Variants in NDRG3 observed in about 807,000 individuals in gnomAD.
NDRG3 encodes protein NDRG3.
NDRG3 carries 23 observed loss-of-function variants against 57.2 expected under a neutral mutation model. That is an observed-to-expected ratio of 0.40 (90% CI 0.29 to 0.57). NDRG3 has a LOEUF of 0.57. Among genes scored for constraint, NDRG3 ranks in the 20% least tolerant of loss-of-function variants. The probability of loss-of-function intolerance (pLI) is 0.42; values close to 1 mark genes in which losing one functional copy is unlikely to be tolerated. For missense variants in NDRG3, 384 were observed against 457.3 expected, an observed-to-expected ratio of 0.84 and a Z score of 1.46; for synonymous variants, 132 against 162.6, an observed-to-expected ratio of 0.81 and a Z score of 1.43.
At chr20:36,656,563 G>A in intron 13 of NDRG3, 31 bp from the exon 14 acceptor site, 1 of 1,613,318 alleles carries the variant, frequency 6.2e-7, no homozygotes, top group Admixed American at 1.7e-5. Flanking sequence ...AAGTCAGCTG[G>A]GACTTACCCT....
intron 8 of NDRG3, among the ~76,000 whole-genome samples, chr20:36,679,498 A>G (rs1262236379): frequency 3.3e-5 from 5 of 151,356 alleles, no homozygotes; most frequent in Non-Finnish European, 7.4e-5. Flanking sequence ...CTCCTGTTAA[A>G]TTGCAATTTT....
chr20:36,716,064 C>T (rs1018847922), intron 2 of NDRG3, among the ~76,000 whole-genome samples: 1 of 152,136 alleles, frequency 6.6e-6, no homozygotes, highest in Admixed American at 6.5e-5. Context: ...CACTGGACTC[C>T]AGCCTGGGCA....
intron 2 of NDRG3, among the ~76,000 whole-genome samples, chr20:36,708,261 C>T (rs1407679795): frequency 6.6e-6 from 1 of 152,122 alleles, no homozygotes; most frequent in African/African-American, 2.4e-5. Context: ...TTCCTAACAG[C>T]TTCCCAAAAG....
At chr20:36,680,925 T>C (rs748797798) in intron 7 of NDRG3, 23 bp from the exon 8 acceptor site, 4 of 1,598,376 alleles carry the variant, frequency 2.5e-6, no homozygotes, top group East Asian at 2.2e-5. Context: ...GCAAAGACAA[T>C]AGTATGAAAG....
chr20:36,731,564 T>C (rs573600941), intron 1 of NDRG3, among the ~76,000 whole-genome samples: 79 of 152,130 alleles, frequency 5.2e-4, no homozygotes, highest in Admixed American at 1.3e-3. Context: ...TCCCAGCACT[T>C]TGGGAGGCCG....
chr20:36,680,450 A>G (rs1483989266), intron 8 of NDRG3, among the ~76,000 whole-genome samples: 1 of 149,770 alleles, frequency 6.7e-6, no homozygotes, highest in East Asian at 2.0e-4. Context: ...ATGCCACTGC[A>G]CTCCAGCCTG....
At chr20:36,738,354 G>C (rs891858123) in intron 1 of NDRG3, among the ~76,000 whole-genome samples, 1 of 151,390 alleles carries the variant, frequency 6.6e-6, no homozygotes, top group African/African-American at 2.4e-5. Context: ...AATTAGCCAG[G>C]CATGGTGGCA....
chr20:36,706,105 G>A (rs1983533992), intron 3 of NDRG3, among the ~76,000 whole-genome samples: 2 of 152,132 alleles, frequency 1.3e-5, no homozygotes, highest in African/African-American at 4.8e-5. Context: ...AGAACTGCTG[G>A]TTCATTTTAC....
intron 9 of NDRG3, among the ~76,000 whole-genome samples, chr20:36,669,263 C>G (rs1979919891): frequency 6.7e-6 from 1 of 148,622 alleles, no homozygotes; most frequent in Non-Finnish European, 1.5e-5. Flanking sequence ...GAGTCTTGCT[C>G]TGTCGCCCAG....
intron 3 of NDRG3, among the ~76,000 whole-genome samples, chr20:36,704,875 A>C (rs913488613): frequency 6.6e-6 from 1 of 152,198 alleles, no homozygotes; most frequent in African/African-American, 2.4e-5. Flanking sequence ...AAGGACAATT[A>C]ATTCCTTACA....
At chr20:36,675,725 T>C (rs917911704) in intron 8 of NDRG3, among the ~76,000 whole-genome samples, 1 of 151,898 alleles carries the variant, frequency 6.6e-6, no homozygotes, top group Non-Finnish European at 1.5e-5. Flanking sequence ...TCTCACTATG[T>C]TGCCCAGGCT....
At chr20:36,704,388 C>T (rs1000390567) in intron 3 of NDRG3, among the ~76,000 whole-genome samples, 2 of 152,088 alleles carry the variant, frequency 1.3e-5, no homozygotes, top group Admixed American at 6.6e-5. Context: ...TTCTAATTTT[C>T]TTACTTCGGA....
At chr20:36,722,084 A>G (rs1485661313) in intron 1 of NDRG3, among the ~76,000 whole-genome samples, 1 of 152,168 alleles carries the variant, frequency 6.6e-6, no homozygotes, top group African/African-American at 2.4e-5. Context: ...GCATGATTAC[A>G]TTATATAATA....
intron 1 of NDRG3, among the ~76,000 whole-genome samples, chr20:36,735,907 G>A (rs1220189347): frequency 1.3e-5 from 2 of 151,098 alleles, no homozygotes; most frequent in African/African-American, 2.4e-5. Flanking sequence ...CCAGGGGGTG[G>A]AGGTTGCAGT....
intron 5 of NDRG3, among the ~76,000 whole-genome samples, chr20:36,687,252 A>G (rs1225399643): frequency 1.3e-5 from 2 of 152,160 alleles, no homozygotes; most frequent in African/African-American, 4.8e-5. Context: ...ATTACAGGAA[A>G]GCAGGCACCT....
intron 3 of NDRG3, among the ~76,000 whole-genome samples, chr20:36,703,494 G>A (rs184010822): frequency 1.7e-3 from 255 of 152,042 alleles, no homozygotes; most frequent in Middle Eastern, 0.014. Context: ...TAGAGAGAAA[G>A]ACTGGGGTCT....
intron 3 of NDRG3, among the ~76,000 whole-genome samples, chr20:36,694,353 C>T (rs958743028): frequency 2.0e-5 from 3 of 152,184 alleles, no homozygotes; most frequent in Admixed American, 6.5e-5. Flanking sequence ...TTAAAGTGTG[C>T]GTATCACAGA....
At chr20:36,660,712 T>C (rs1019212642) in intron 12 of NDRG3, among the ~76,000 whole-genome samples, 15 of 151,626 alleles carry the variant, frequency 9.9e-5, no homozygotes, top group African/African-American at 3.6e-4. Context: ...AGGCGCCCGC[T>C]ACCACGCCCG....
rs1981134738 is a variant in NDRG3, at chr20:36,680,190, A to G, written c.531+626T>C. On this transcript the variant is annotated intron_variant, in intron 8 of 15. Coordinates refer to ENST00000349004, the MANE Select transcript of NDRG3 (RefSeq NM_032013.4). ...AGTTTCACAGACACCGTGATGAAAGAAAAGAAACCAGACAGGCTGGGTGCG... is the reference window on the plus strand; with the variant it reads ...AGTTTCACAGACACCGTGATGAAAGGAAAGAAACCAGACAGGCTGGGTGCG... Among the ~76,000 whole-genome samples the G allele has an allele frequency of 2.0e-5, 3 of 151,904 alleles. No individual in the cohort carries two copies. In the South Asian group the frequency reaches 6.2e-4, roughly 32 times the overall value.
Sources: gnomAD v4.1 joint callset for allele counts (sites outside exome capture counted in the v4.1 genomes callset) on GRCh38, gnomAD v4.1.1 for gene constraint, MANE v1.5 for transcripts, NCBI Gene and HGNC (gene_info 2026-07-23, HGNC 2026-07-21) for gene names.